DOCK2: variants seen among roughly 807,000 people sequenced by gnomAD.
DOCK2 encodes the protein dedicator of cytokinesis protein 2.
In DOCK2, 87 loss-of-function variants were observed where a neutral mutation model predicts 248.9. The observed-to-expected ratio is 0.35, with a 90% CI of 0.29 to 0.42. The LOEUF is 0.42. DOCK2 is among the 10% of genes least tolerant of loss of function. The pLI is 1.00. For missense variants in DOCK2, 1,747 were observed against 2,300.2 expected (o/e 0.76, Z 4.92); for synonymous variants, 805 against 821.6 (o/e 0.98, Z 0.35).
intron 38 of DOCK2, 127 bp from the exon 39 acceptor site, chr5:170,045,689 G>A (rs1581553457): frequency 1.1e-6 from 1 of 894,130 alleles, no homozygotes; most frequent in African/African-American, 1.6e-5. Flanking sequence ...TATGGGGGTG[G>A]ATCTGGGTCA....
At chr5:169,842,619 T>C (rs1461252556) in intron 27 of DOCK2, among the ~76,000 whole-genome samples, 1 of 152,196 alleles carries the variant, frequency 6.6e-6, no homozygotes, top group Non-Finnish European at 1.5e-5. Context: ...TAACCTCCTT[T>C]ATCTTTATTC....
intron 26 of DOCK2, among the ~76,000 whole-genome samples, chr5:169,812,460 A>G (rs1204279257): frequency 1.3e-5 from 2 of 152,250 alleles, no homozygotes; most frequent in African/African-American, 4.8e-5. Context: ...AATAATAGAA[A>G]TAAAGTGCAC....
Position 170,008,606 on chromosome 5 carries a change from C to T in DOCK2, c.3173+9C>T, listed in dbSNP as rs1348002429. 6.2e-7 allele frequency: 1 copy of T among 1,614,040 alleles called. No individual in the cohort carries two copies. Among genetic ancestry groups the T allele is most frequent in the East Asian group, 2.2e-5 (1 of 44,878 alleles). On this transcript the variant is annotated intron_variant, in intron 31 of 51. Coordinates refer to ENST00000520908, the MANE Select transcript of DOCK2 (RefSeq NM_004946.3). ...AACAAAATCCTGAATAAGTAGGTTG[C>T]ATTTTTGGATTTCCTGAAGAGGGGG...
In DOCK2 at chr5:170,008,429, C is replaced by T; in HGVS notation, c.3073-68C>T. On this transcript the variant is annotated intron_variant, in intron 30 of 51. Transcript: ENST00000520908. ...CTGCCATCTTCATAAATTATTCACA[C>T]TACCCAGCGCTTATGCCTTCCCGCT... is the stretch of plus-strand genomic sequence containing the variant. 2.0e-6 allele frequency: 3 copies of T among 1,506,022 alleles called. No individual in the cohort carries two copies. The South Asian group carries it at 3.4e-5, about 17-fold the overall frequency. 93.3% of individuals were successfully genotyped at this position (1,506,022 alleles called of 1,614,324 possible). A position where few individuals can be genotyped will look rare whatever the true frequency, so the allele number is the denominator to read the frequency against.
intron 26 of DOCK2, among the ~76,000 whole-genome samples, chr5:169,805,805 T>C (rs1436384342): frequency 6.6e-6 from 1 of 152,122 alleles, no homozygotes; most frequent in Non-Finnish European, 1.5e-5. Flanking sequence ...GAGCTCCCCG[T>C]GGGGGATTGT....
chr5:169,795,407 A>G (rs893943693), intron 25 of DOCK2, among the ~76,000 whole-genome samples: 19 of 152,280 alleles, frequency 1.2e-4, no homozygotes, highest in African/African-American at 4.6e-4. Flanking sequence ...GGAGACGTAG[A>G]TGGCGCCGGA....
At chr5:170,066,048 C>T (rs1439859847) in intron 44 of DOCK2, among the ~76,000 whole-genome samples, 12 of 148,582 alleles carry the variant, frequency 8.1e-5, no homozygotes, top group East Asian at 4.0e-4. Context: ...GCCTCCTGGG[C>T]TCATGCCATT....
At position 169,883,668 on chromosome 5, in the gene DOCK2, G is replaced by C. The variant is rs375183051; in HGVS notation, c.2799+42816G>C. 58 of 1,550,872 alleles carry C rather than the reference G, an allele frequency of 3.7e-5. 1 individual carries two copies. In the African/African-American group the frequency reaches 4.5e-4, roughly 12 times the overall value. On this transcript the variant is annotated intron_variant, in intron 27 of 51. Coordinates refer to ENST00000520908, the MANE Select transcript of DOCK2 (RefSeq NM_004946.3). The stretch of plus-strand genomic sequence containing the variant: ...ACCTGGGGAAGGAGAGCGAGTAGGT[G>C]GGGGGAAGATGGTGCCTGGTTGCTT...
At chr5:169,827,175 G>A (rs1025799858) in intron 26 of DOCK2, among the ~76,000 whole-genome samples, 4 of 152,132 alleles carry the variant, frequency 2.6e-5, no homozygotes, top group Non-Finnish European at 4.4e-5. Context: ...TTTTAAAAAT[G>A]CAGCTATGGT....
chr5:169,963,666 C>T (rs1237174351), intron 27 of DOCK2, among the ~76,000 whole-genome samples: 3 of 152,146 alleles, frequency 2.0e-5, no homozygotes, highest in African/African-American at 7.2e-5. Context: ...ACCCCCTCAC[C>T]CAGTCTTGGG....
intron 26 of DOCK2, among the ~76,000 whole-genome samples, chr5:169,806,983 G>A (rs951719663): frequency 7.9e-5 from 12 of 151,854 alleles, no homozygotes; most frequent in Non-Finnish European, 1.5e-4. Context: ...CAAGAGATCC[G>A]GAACCGCTGA....
At chr5:169,908,086 C>T (rs1774394781) in intron 27 of DOCK2, among the ~76,000 whole-genome samples, 1 of 152,182 alleles carries the variant, frequency 6.6e-6, no homozygotes, top group African/African-American at 2.4e-5. Flanking sequence ...TTTCATTGAA[C>T]AACAGAGCAA....
intron 13 of DOCK2, among the ~76,000 whole-genome samples, chr5:169,701,268 A>G (rs1477323378): frequency 6.6e-6 from 1 of 152,236 alleles, no homozygotes; most frequent in Non-Finnish European, 1.5e-5. Context: ...GAGGTCTTCA[A>G]ACTAAATTTG....
chr5:169,764,509 A>G lies in DOCK2; in HGVS notation c.2554+2884A>G, dbSNP rs1216000579. 1.3e-5 allele frequency among the ~76,000 whole-genome samples: 2 copies of G among 152,190 alleles called. No individual in the cohort carries two copies. Among genetic ancestry groups the G allele is most frequent in the Admixed American group, 6.5e-5 (1 of 15,284 alleles). ...TCTGATTCTCAGTAAGCTCATCTGG[A>G]AAGTGGGAATAAGAACAATAACGTC... On this transcript the variant is annotated intron_variant, in intron 25 of 51. Coordinates refer to ENST00000520908, the MANE Select transcript of DOCK2 (RefSeq NM_004946.3). This position sits in a 1 kb window ranked among gnomAD's most constrained non-coding sequence, Gnocchi z 4.3.
chr5:169,783,299 T>C (rs261580), intron 25 of DOCK2, among the ~76,000 whole-genome samples: 21,765 of 152,084 alleles, frequency 0.14, 1,787 homozygotes, highest in Non-Finnish European at 0.18. Flanking sequence ...GTACAAAGAG[T>C]GTTTGTTGGA....
chr5:170,006,640 G>GT (rs768622430), intron 30 of DOCK2, among the ~76,000 whole-genome samples: 3 of 152,122 alleles, frequency 2.0e-5, no homozygotes, highest in East Asian at 3.8e-4. Context: ...AGAGCAGTTT[G>GT]TTTTTTTGGG....
intron 30 of DOCK2, chr5:169,998,104 C>A: frequency 4.4e-6 from 2 of 454,286 alleles, no homozygotes; most frequent in South Asian, 1.6e-5. Flanking sequence ...AGGATCACCC[C>A]CACTCACTCC....
At chr5:169,741,887 G>A (rs145793076) in intron 22 of DOCK2, among the ~76,000 whole-genome samples, 4,125 of 138,634 alleles carry the variant, frequency 0.03, 72 homozygotes, top group Non-Finnish European at 0.04. Context: ...TCAGCTTACC[G>A]CAAGCTCTGC....
At chr5:169,841,556 A>G in intron 27 of DOCK2, 1 of 692,042 alleles carries the variant, frequency 1.4e-6, no homozygotes, top group Non-Finnish European at 1.8e-6. Flanking sequence ...TCTCACTCAG[A>G]ATAAAATCCA....
Sources: allele counts gnomAD v4.1 joint callset (sites outside exome capture counted in the v4.1 genomes callset), GRCh38; gene constraint gnomAD v4.1.1; non-coding constraint Gnocchi (gnomAD v3.1); transcripts MANE v1.5; gene names NCBI Gene and HGNC (gene_info 2026-07-23, HGNC 2026-07-21).